Variants in COL8A1 observed in about 807,000 individuals in gnomAD.
COL8A1 encodes collagen type VIII alpha 1 chain.
A neutral mutation model predicts 42.7 loss-of-function variants in COL8A1; 21 were observed. That is an observed-to-expected ratio of 0.49 (90% CI 0.35 to 0.71). The LOEUF (loss-of-function observed/expected upper bound fraction) is 0.71. Ranked by LOEUF, COL8A1 falls within the 30% of genes least tolerant of loss-of-function variation. The pLI is 0.01. For missense variants in COL8A1, 788 were observed against 962.4 expected (o/e 0.82, Z 2.40); for synonymous variants, 367 against 369.1 (o/e 0.99, Z 0.06).
chr3:99,721,550 A>G (rs2107369855), intron 1 of COL8A1, among the ~76,000 whole-genome samples: 1 of 152,154 alleles, frequency 6.6e-6, no homozygotes, highest in South Asian at 2.1e-4. Flanking sequence ...CAGGAGGCCA[A>G]AGGAAACGGC....
At chr3:99,647,618 G>A (rs1160247376) in intron 1 of COL8A1, among the ~76,000 whole-genome samples, 1 of 152,038 alleles carries the variant, frequency 6.6e-6, no homozygotes, top group Admixed American at 6.6e-5. Flanking sequence ...CCAACAATGA[G>A]CAATAAGTTC....
Position 99,796,084 on chromosome 3 carries a change from C to T in COL8A1, c.2183C>T (p.Ala728Val). ...TCAGAACAGGCTGCAGGACTGTATG[C>T]CGGGCAGTATGTCCACTCCTCCTTT... ...MPSEQAAGLY[A>V]GQYVHSSFSG... is the part of the protein sequence containing the mutation. Residue 728 changes from alanine (A) to valine (V), a missense_variant, in exon 4 of 4, where the codon GCC (alanine) becomes GTC (valine). By Grantham distance (64) the Ala-to-Val change is moderately conservative. Coordinates refer to ENST00000652472, the MANE Select transcript of COL8A1 (RefSeq NM_020351.4). 1 of 1,582,946 alleles carries T rather than the reference C, an allele frequency of 6.3e-7. No homozygotes were observed. The highest frequency in any genetic ancestry group is 8.6e-7 in the Non-Finnish European group (1 of 1,160,772).
intron 1 of COL8A1, among the ~76,000 whole-genome samples, chr3:99,663,365 G>A (rs993440959): frequency 2.0e-5 from 3 of 152,030 alleles, no homozygotes; most frequent in Admixed American, 2.0e-4. Context: ...TGCCAGAACA[G>A]GGCTCACTCC....
chr3:99,710,113 T>C (rs1939793747), intron 1 of COL8A1, among the ~76,000 whole-genome samples: 1 of 152,190 alleles, frequency 6.6e-6, no homozygotes, highest in Non-Finnish European at 1.5e-5. Context: ...TGCACACACA[T>C]TTAACACTAA....
At chr3:99,739,961 C>A (rs1389193567) in intron 1 of COL8A1, among the ~76,000 whole-genome samples, 4 of 152,138 alleles carry the variant, frequency 2.6e-5, no homozygotes, top group Non-Finnish European at 5.9e-5. Flanking sequence ...GAACACTTTG[C>A]CACTTAGAAA....
chr3:99,732,327 A>T (rs537335941), intron 1 of COL8A1, among the ~76,000 whole-genome samples: 1 of 152,294 alleles, frequency 6.6e-6, no homozygotes, highest in South Asian at 2.1e-4. Flanking sequence ...TAATAAAGAC[A>T]TACCCAAGAC....
At chr3:99,709,637 T>C (rs572010386) in intron 1 of COL8A1, among the ~76,000 whole-genome samples, 1 of 152,304 alleles carries the variant, frequency 6.6e-6, no homozygotes, top group Admixed American at 6.5e-5. Flanking sequence ...ATGAGGAATT[T>C]AACCAAAAAC....
intron 2 of COL8A1, among the ~76,000 whole-genome samples, chr3:99,745,338 C>CAGAT (rs1371958722): frequency 3.3e-5 from 5 of 152,048 alleles, no homozygotes; most frequent in African/African-American, 1.2e-4. Context: ...AAATGTTCAC[C>CAGAT]AGATGCTAGG....
chr3:99,644,282 T>G (rs965829074), intron 1 of COL8A1, among the ~76,000 whole-genome samples: 4 of 152,310 alleles, frequency 2.6e-5, no homozygotes, highest in African/African-American at 9.6e-5. Flanking sequence ...CTTCTTATCA[T>G]TTGACTGGCC....
At chr3:99,740,300 T>C (rs1940863061) in intron 1 of COL8A1, among the ~76,000 whole-genome samples, 1 of 152,166 alleles carries the variant, frequency 6.6e-6, no homozygotes, top group Non-Finnish European at 1.5e-5. Context: ...CATTTTCAGG[T>C]ATTTTCATAG....
chr3:99,776,009 A>G (rs1941686268), intron 2 of COL8A1, among the ~76,000 whole-genome samples: 1 of 152,230 alleles, frequency 6.6e-6, no homozygotes, highest in Non-Finnish European at 1.5e-5. Flanking sequence ...TCAGGCACAC[A>G]GCAGACCTAT....
chr3:99,679,903 C>T (rs1225339903), intron 1 of COL8A1: 1 of 152,126 alleles, frequency 6.6e-6, no homozygotes, highest in Non-Finnish European at 1.5e-5. Context: ...CAAAAACTTC[C>T]ATTCCTGAGT....
At position 99,795,870 on chromosome 3, in the gene COL8A1, G is replaced by T. The variant is rs375268132; in HGVS notation, c.1969G>T (p.Val657Phe). The change falls in exon 4 of 4, where the codon GTC (valine) becomes TTC (phenylalanine). Residue 657 changes from valine (V) to phenylalanine (F), a missense_variant. Transcript: ENST00000652472. ...GCAGACAGGCATCTTCACCTGTGAG[G>T]TCCCTGGTGTCTACTACTTTGCATA... Reference protein sequence around the residue: ...NPQTGIFTCEVPGVYYFAYHV... With the variant: ...NPQTGIFTCEFPGVYYFAYHV... 12 of 1,614,070 alleles carry T rather than the reference G, an allele frequency of 7.4e-6. No homozygotes were observed. The highest frequency in any genetic ancestry group is 1.0e-5 in the Non-Finnish European group (12 of 1,180,034).
In COL8A1 at chr3:99,797,325, T is replaced by C. The variant is rs1484334504; in HGVS notation, c.*1189T>C. 6.6e-6 allele frequency: 1 copy of C among 152,146 alleles called. No individual in the cohort carries two copies. Among genetic ancestry groups the C allele is most frequent in the Non-Finnish European group, 1.5e-5 (1 of 68,072 alleles). The allele number at this position is 152,146 out of a possible 1,614,324, so 9.4% of individuals were successfully genotyped here. ...TCTTACTCTGTCACCCAGGCTGGAGTGCAGTAGCACGATCTTGGCTTACTG... is the reference window on the plus strand; with the variant it reads ...TCTTACTCTGTCACCCAGGCTGGAGCGCAGTAGCACGATCTTGGCTTACTG... On this transcript the variant is annotated 3_prime_UTR_variant, in exon 4 of 4. Transcript: ENST00000652472.
At chr3:99,763,741 C>G (rs554556240) in intron 2 of COL8A1, among the ~76,000 whole-genome samples, 1 of 152,310 alleles carries the variant, frequency 6.6e-6, no homozygotes, top group Admixed American at 6.5e-5. Flanking sequence ...GTTCTGCTTC[C>G]TGAGGTGGTC....
At position 99,790,662 on chromosome 3, in the gene COL8A1, C is replaced by T. The variant is rs141695128; in HGVS notation, c.-3-18C>T. 1.7e-5 allele frequency: 28 copies of T among 1,604,994 alleles called. No individual in the cohort carries two copies. The African/African-American group carries it at 3.2e-4, about 18-fold the overall frequency. ...CTTGCAGAGTTTCACCAAGTTGGTG[C>T]ATTGGTTCCTCCCACAGGTGATGGC... On this transcript the variant is annotated intron_variant, in intron 2 of 3. Coordinates refer to ENST00000652472, the MANE Select transcript of COL8A1 (RefSeq NM_020351.4).
chr3:99,667,572 A>T (rs924066947), intron 1 of COL8A1, among the ~76,000 whole-genome samples: 7 of 152,110 alleles, frequency 4.6e-5, no homozygotes, highest in African/African-American at 1.7e-4. Context: ...ACGTATTGTC[A>T]GTACTTTAGA....
At chr3:99,792,169 C>G (rs1283933058) in intron 3 of COL8A1, among the ~76,000 whole-genome samples, 2 of 152,154 alleles carry the variant, frequency 1.3e-5, no homozygotes, top group African/African-American at 4.8e-5. Flanking sequence ...GAAAGTATTC[C>G]TGACTTTCTT....
chr3:99,753,569 A>T (rs920880207), intron 2 of COL8A1, among the ~76,000 whole-genome samples: 6 of 152,192 alleles, frequency 3.9e-5, no homozygotes, highest in African/African-American at 1.4e-4. Flanking sequence ...CATGGATCAC[A>T]ATTGCCATCT....
Sources: gnomAD v4.1 joint callset for allele counts (sites outside exome capture counted in the v4.1 genomes callset) on GRCh38, gnomAD v4.1.1 for gene constraint, MANE v1.5 for transcripts, NCBI Gene and HGNC (gene_info 2026-07-23, HGNC 2026-07-21) for gene names.